IQCK: variants seen among roughly 807,000 people sequenced by gnomAD.
IQCK encodes the protein IQ motif containing K.
In IQCK, 29 loss-of-function variants were observed where a neutral mutation model predicts 28.1. That is an observed-to-expected ratio of 1.03 (90% CI 0.77 to 1.41). IQCK has a LOEUF of 1.41. Ranked by LOEUF, IQCK falls within the 40% of genes most tolerant of loss-of-function variation. IQCK has a pLI of 0.00. For synonymous variants in IQCK, 113 were observed against 115.1 expected (o/e 0.98, Z 0.12); for missense variants, 359 against 314.7 (o/e 1.14, Z -1.07).
exon 8 of IQCK, chr16:19,827,048 A>G: frequency 1.2e-6 from 2 of 1,614,032 alleles, no homozygotes; most frequent in Middle Eastern, 1.7e-4. Flanking sequence ...CCTGAGATTC[A>G]AGAACTGCGT....
At chr16:19,762,721 A>T (rs543003323) in intron 4 of IQCK, among the ~76,000 whole-genome samples, 1 of 152,156 alleles carries the variant, frequency 6.6e-6, no homozygotes, top group Non-Finnish European at 1.5e-5. Flanking sequence ...TCAAAAATCC[A>T]CTTATAACTT....
intron 4 of IQCK, among the ~76,000 whole-genome samples, chr16:19,746,298 G>A (rs544345764): frequency 6.6e-6 from 1 of 152,012 alleles, no homozygotes; most frequent in South Asian, 2.1e-4. Context: ...ATGGAGAATG[G>A]GGTTTCCATC....
intron 9 of IQCK, among the ~76,000 whole-genome samples, chr16:19,847,584 T>C (rs72769587): frequency 0.1 from 15,734 of 152,248 alleles, 900 homozygotes; most frequent in Non-Finnish European, 0.13. Context: ...AATGAACTCC[T>C]TTGTGTCTGG....
chr16:19,818,318 C>T (rs1335819841), intron 7 of IQCK, among the ~76,000 whole-genome samples: 1 of 152,106 alleles, frequency 6.6e-6, no homozygotes, highest in Non-Finnish European at 1.5e-5. Context: ...GCTGATTTTC[C>T]TCTCTGAGAT....
intron 6 of IQCK, among the ~76,000 whole-genome samples, chr16:19,785,762 G>T (rs1455171369): frequency 1.3e-5 from 2 of 152,170 alleles, no homozygotes; most frequent in Non-Finnish European, 2.9e-5. Flanking sequence ...AAACTTCTAG[G>T]GGGTATTTGG....
chr16:19,842,454 G>A (rs1238218061), intron 9 of IQCK, among the ~76,000 whole-genome samples: 11 of 152,154 alleles, frequency 7.2e-5, no homozygotes, highest in Admixed American at 1.3e-4. Flanking sequence ...CCAAGGTGGT[G>A]TGTCTTTGGC....
chr16:19,723,036 C>T (rs1410159707), intron 1 of IQCK, among the ~76,000 whole-genome samples: 1 of 152,086 alleles, frequency 6.6e-6, no homozygotes, highest in Non-Finnish European at 1.5e-5. Flanking sequence ...TTTCCACGGC[C>T]CCACACTCTC....
At position 19,770,527 on chromosome 16, in the gene IQCK, C is replaced by T. The variant is rs115092462; in HGVS notation, c.605+6415C>T. 5.3e-3 allele frequency among the ~76,000 whole-genome samples: 808 copies of T among 151,328 alleles called. 9 individuals carry two copies. The highest frequency in any genetic ancestry group is 0.019 in the African/African-American group (768 of 41,296). On this transcript the variant is annotated intron_variant, in intron 6 of 7. Coordinates refer to ENST00000564186, the Ensembl canonical transcript of IQCK. ...TTTTCAAGCTTTGAGAAACTGCCTG[C>T]ATTCCTTGGCTAGTGGCCCCTGCAT...
chr16:19,784,188 A>T (rs1469339872), intron 6 of IQCK, among the ~76,000 whole-genome samples: 2 of 152,086 alleles, frequency 1.3e-5, no homozygotes, highest in Non-Finnish European at 2.9e-5. Context: ...GGCGTTTTCT[A>T]TGATTCTGCA....
chr16:19,811,914 C>T (rs1251185078), intron 7 of IQCK, among the ~76,000 whole-genome samples: 1 of 151,916 alleles, frequency 6.6e-6, no homozygotes, highest in Non-Finnish European at 1.5e-5. Context: ...GGGAAAGGGT[C>T]TGGGATTCTG....
chr16:19,765,521 G>A (rs1051300640), intron 6 of IQCK, among the ~76,000 whole-genome samples: 4 of 151,970 alleles, frequency 2.6e-5, no homozygotes, highest in Admixed American at 2.6e-4. Flanking sequence ...CTCGGGGACA[G>A]AGTGAGACTC....
rs571368149 is a variant in IQCK at position 19,798,333 on chromosome 16, G to A, written c.690+9411G>A. Among the ~76,000 whole-genome samples the A allele has an allele frequency of 7.1e-5, 8 of 113,426 alleles. 1 individual carries two copies. The highest frequency in any genetic ancestry group is 4.4e-4 in the East Asian group (2 of 4,588). 74.4% of individuals were successfully genotyped at this position (113,426 alleles called of 152,430 possible). ...CTTGGGAGGCTGAGGCAGGAGAATC[G>A]CTTGAATCCAGGAGGAGGAAGTTTC... On this transcript the variant is annotated intron_variant, in intron 7 of 7. Transcript: ENST00000564186.
intron 9 of IQCK, among the ~76,000 whole-genome samples, chr16:19,850,535 C>T (rs547795855): frequency 6.6e-6 from 1 of 152,134 alleles, no homozygotes; most frequent in Non-Finnish European, 1.5e-5. Context: ...GTGAGCCAGT[C>T]TCCTCCTTGT....
At chr16:19,778,915 G>A (rs2055436071) in intron 6 of IQCK, among the ~76,000 whole-genome samples, 1 of 152,170 alleles carries the variant, frequency 6.6e-6, no homozygotes, top group African/African-American at 2.4e-5. Context: ...ATCATAAGAT[G>A]GGAATTAGTA....
At chr16:19,809,424 T>TGGTGCTG (rs1386041845) in intron 7 of IQCK, among the ~76,000 whole-genome samples, 1 of 152,140 alleles carries the variant, frequency 6.6e-6, no homozygotes, top group African/African-American at 2.4e-5. Flanking sequence ...GTCTGGCAGG[T>TGGTGCTG]GGTGCTGGCT....
rs554203189 is a variant in IQCK at position 19,734,488 on chromosome 16, G to A, written c.376+661G>A. Reference sequence around the variant, plus strand: ...AAAAAAAAAAAAAAAAATTATCCAGGCATGGTGGTGCACACTGATAACCCT... The same window carrying A: ...AAAAAAAAAAAAAAAAATTATCCAGACATGGTGGTGCACACTGATAACCCT... On this transcript the variant is annotated intron_variant, in intron 3 of 7. Transcript: ENST00000564186. Among the ~76,000 whole-genome samples the A allele has an allele frequency of 8.1e-5, 12 of 147,638 alleles. No homozygotes were observed. The South Asian group carries it at 2.4e-3, about 29-fold the overall frequency.
At chr16:19,828,231 C>CTTTT (rs749049124), downstream of IQCK, among the ~76,000 whole-genome samples, 14 of 107,244 alleles carry the variant, frequency 1.3e-4, no homozygotes, top group Non-Finnish European at 1.6e-4. Flanking sequence ...TCTTTCTTTT[C>CTTTT]TTTTTTTTTT....
chr16:19,723,532 C>T (rs62024964), intron 1 of IQCK, among the ~76,000 whole-genome samples: 51,439 of 152,022 alleles, frequency 0.34, 13,521 homozygotes, highest in African/African-American at 0.74. Context: ...CCAAAGTAAG[C>T]GGCAGGGTCG....
chr16:19,782,845 G>A (rs1044055234), intron 6 of IQCK, among the ~76,000 whole-genome samples: 1 of 152,066 alleles, frequency 6.6e-6, no homozygotes, highest in Non-Finnish European at 1.5e-5. Flanking sequence ...GTATCTTCAC[G>A]TCCTGCAAAT....
Sources: gnomAD v4.1 joint callset for allele counts (sites outside exome capture counted in the v4.1 genomes callset) on GRCh38, gnomAD v4.1.1 for gene constraint, MANE v1.5 for transcripts, NCBI Gene and HGNC (gene_info 2026-07-23, HGNC 2026-07-21) for gene names.